The following TMPRSS15 variants were observed in gnomAD, a reference collection of about 807,000 sequenced individuals.
TMPRSS15 encodes the protein enteropeptidase.
TMPRSS15 carries 128 observed loss-of-function variants against 125.3 expected under a neutral mutation model. The observed-to-expected ratio is 1.02, with a 90% CI of 0.89 to 1.18. TMPRSS15 has a LOEUF of 1.18. Ranked by LOEUF, TMPRSS15 falls within the 50% of genes most tolerant of loss-of-function variation. The probability of loss-of-function intolerance (pLI) is 0.00; values close to 1 mark genes in which losing one functional copy is unlikely to be tolerated. For missense variants in TMPRSS15, 1,283 were observed against 1,212.7 expected (o/e 1.06, Z -0.86); for synonymous variants, 446 against 423.2 (o/e 1.05, Z -0.66).
intron 1 of TMPRSS15, among the ~76,000 whole-genome samples, chr21:18,433,357 T>G (rs1470581250): frequency 7.2e-5 from 11 of 152,152 alleles, no homozygotes; most frequent in Admixed American, 4.6e-4. Flanking sequence ...GAAAAACTTT[T>G]TGATTAAATT....
intron 1 of TMPRSS15, among the ~76,000 whole-genome samples, chr21:18,427,342 A>AT (rs1260845925): frequency 6.9e-6 from 1 of 144,780 alleles, no homozygotes; most frequent in Admixed American, 7.3e-5. Context: ...TAAGCCACAC[A>AT]CACTTATTTT....
intron 1 of TMPRSS15, among the ~76,000 whole-genome samples, chr21:18,412,999 T>C (rs2076169881): frequency 6.6e-6 from 1 of 152,210 alleles, no homozygotes; most frequent in Non-Finnish European, 1.5e-5. Flanking sequence ...TCTCTATCTG[T>C]ATTCATTCTT....
rs1375758407 is a variant in TMPRSS15, at chr21:18,482,849, C to T, written c.10+2950G>A. Among the ~76,000 whole-genome samples the T allele has an allele frequency of 2.0e-5, 3 of 151,708 alleles. No homozygotes were observed. The East Asian group carries it at 5.8e-4, about 29-fold the overall frequency. ...TATCTTATCTAACTTATCTAGCTTA[C>T]TTTCTCTTTCTAACTTACTTTATCC... On this transcript the variant is annotated intron_variant, in intron 1 of 7. Transcript: ENST00000422787.
intron 5 of TMPRSS15, among the ~76,000 whole-genome samples, chr21:18,373,446 AAAT>A (rs1378923871): frequency 6.6e-6 from 1 of 152,102 alleles, no homozygotes; most frequent in Non-Finnish European, 1.5e-5. Context: ...GGAGAATAAT[AAAT>A]AATAATAAAA....
intron 1 of TMPRSS15, among the ~76,000 whole-genome samples, chr21:18,429,764 G>A (rs898001682): frequency 6.6e-6 from 1 of 152,164 alleles, no homozygotes; most frequent in Admixed American, 6.5e-5. Flanking sequence ...CTACGTAGAT[G>A]TATGAACAAA....
intron 24 of TMPRSS15, among the ~76,000 whole-genome samples, chr21:18,273,624 A>G (rs1314781048): frequency 6.6e-6 from 1 of 152,188 alleles, no homozygotes; most frequent in East Asian, 1.9e-4. Context: ...TTTTCTGCCT[A>G]GTGCGTGAGG....
At chr21:18,416,726 A>C (rs2076181190) in intron 1 of TMPRSS15, among the ~76,000 whole-genome samples, 3 of 152,084 alleles carry the variant, frequency 2.0e-5, no homozygotes, top group Non-Finnish European at 4.4e-5. Context: ...AGTTTAAATT[A>C]TCTAGATGAC....
Position 18,353,736 on chromosome 21 carries a change from G to T in TMPRSS15, c.1008C>A (p.Ser336Arg), listed in dbSNP as rs779134734. The change falls in exon 9 of 25, where the codon AGC (serine) becomes AGA (arginine). Residue 336 changes from serine (S) to arginine (R), a missense_variant. By Grantham distance (110) the Ser-to-Arg change is moderately radical. Transcript: ENST00000284885. ...AATAATACTTACTATTAAGCTCACT[G>T]CTGTTAAATGCAGTATATGTTGCAT... Reference protein sequence around the residue: ...GFNATYTAFNSSELNNYEKIN... With the variant: ...GFNATYTAFNRSELNNYEKIN... 1 of 1,610,706 alleles carries T rather than the reference G, an allele frequency of 6.2e-7. No homozygotes were observed. Among genetic ancestry groups the T allele is most frequent in the Admixed American group, 1.7e-5 (1 of 59,772 alleles).
intron 13 of TMPRSS15, among the ~76,000 whole-genome samples, chr21:18,337,718 T>C (rs1362953270): frequency 6.6e-6 from 1 of 152,174 alleles, no homozygotes; most frequent in African/African-American, 2.4e-5. Flanking sequence ...ACTGTTTTCT[T>C]CTTTAAGTGC....
chr21:18,482,668 A>G (rs1265146345), intron 1 of TMPRSS15, among the ~76,000 whole-genome samples: 1 of 151,690 alleles, frequency 6.6e-6, no homozygotes, highest in Non-Finnish European at 1.5e-5. Context: ...CATAGAAGAA[A>G]TGATATGATT....
At chr21:18,317,502 A>T (rs991736699) in intron 16 of TMPRSS15, among the ~76,000 whole-genome samples, 38 of 152,176 alleles carry the variant, frequency 2.5e-4, no homozygotes, top group African/African-American at 8.9e-4. Flanking sequence ...ATGCCCTAAG[A>T]GAATCAATTC....
intron 24 of TMPRSS15, among the ~76,000 whole-genome samples, chr21:18,272,245 A>T (rs946139231): frequency 1.3e-5 from 2 of 152,076 alleles, no homozygotes; most frequent in African/African-American, 4.8e-5. Context: ...TTGACTTTTT[A>T]ATAATCGCCA....
rs2076054040 is a variant in TMPRSS15 at position 18,397,871 on chromosome 21, A to C, written c.344+8T>G. The C allele has an allele frequency of 1.3e-6, 2 of 1,514,926 alleles. No homozygotes were observed. Among genetic ancestry groups the C allele is most frequent in the Non-Finnish European group, 1.8e-6 (2 of 1,108,304 alleles). 93.8% of individuals were successfully genotyped at this position (1,514,926 alleles called of 1,614,324 possible). A position where few individuals can be genotyped will look rare whatever the true frequency, so the allele number is the denominator to read the frequency against. On this transcript the variant is annotated splice_region_variant and intron_variant, in intron 3 of 24. Coordinates refer to ENST00000284885, the MANE Select transcript of TMPRSS15 (RefSeq NM_002772.3). ...TCCATCAGTAGAAAATTTTTGAGCT[A>C]TACTCACTCAAATTGTAAAACTCTT...
intron 21 of TMPRSS15, among the ~76,000 whole-genome samples, chr21:18,283,368 T>G (rs2074724251): frequency 6.6e-6 from 1 of 152,228 alleles, no homozygotes; most frequent in African/African-American, 2.4e-5. Flanking sequence ...GTATGATTTT[T>G]TTTTTACTCA....
At chr21:18,352,454 TAACA>T (rs2075579539) in intron 10 of TMPRSS15, among the ~76,000 whole-genome samples, 1 of 152,032 alleles carries the variant, frequency 6.6e-6, no homozygotes, top group Admixed American at 6.6e-5. Flanking sequence ...ACATCGGAGA[TAACA>T]AACAAATTCA....
chr21:18,278,855 T>C, intron 23 of TMPRSS15, 109 bp downstream of exon 23: 1 of 660,616 alleles, frequency 1.5e-6, no homozygotes, highest in Non-Finnish European at 2.7e-6. Flanking sequence ...AAAAAACTGT[T>C]ATATAAGAAT....
chr21:18,352,933 T>G lies in TMPRSS15; in HGVS notation c.1141A>C (p.Asn381His), dbSNP rs781637249. ...GSTFSPFTGP[N>H]FDHTFGNASG... ...GCATTGCCAAAAGTGTGGTCAAAAT[T>G]GGGTCCAGTAAAAGGAGAAAAGGTG... Residue 381 changes from asparagine to histidine, a missense_variant, in exon 10 of 25, where the codon AAT becomes CAT. Transcript: ENST00000284885. 47 of 1,612,332 alleles carry G rather than the reference T, an allele frequency of 2.9e-5. No individual in the cohort carries two copies. Among genetic ancestry groups the G allele is most frequent in the Non-Finnish European group, 3.5e-5 (41 of 1,178,876 alleles).
intron 3 of TMPRSS15, among the ~76,000 whole-genome samples, chr21:18,386,984 C>G (rs572560210): frequency 3.2e-4 from 49 of 152,274 alleles, no homozygotes; most frequent in African/African-American, 1.2e-3. Flanking sequence ...GGTGTGTTCT[C>G]TTAGTTGTGA....
chr21:18,458,888 GATGATT>G (rs138019887), intron 1 of TMPRSS15, among the ~76,000 whole-genome samples: 1,893 of 152,030 alleles, frequency 0.012, 41 homozygotes, highest in African/African-American at 0.043. Flanking sequence ...TATATCTTAT[GATGATT>G]ATATCATTTT....
Sources: gnomAD v4.1 joint callset for allele counts (sites outside exome capture counted in the v4.1 genomes callset) on GRCh38, gnomAD v4.1.1 for gene constraint, MANE v1.5 for transcripts, NCBI Gene and HGNC (gene_info 2026-07-23, HGNC 2026-07-21) for gene names.